The following SHPK variants were observed in gnomAD, a reference collection of about 807,000 sequenced individuals.
The protein encoded by SHPK is carbohydrate kinase-like protein.
Under a neutral mutation model 46.3 loss-of-function variants are expected in SHPK, and 51 were observed. The ratio of observed to expected loss-of-function variants is 1.10; its 90% confidence interval spans 0.88 to 1.39. SHPK has a LOEUF of 1.39. Ranked by LOEUF, SHPK falls within the 40% of genes most tolerant of loss-of-function variation. SHPK has a pLI of 0.00. For synonymous variants in SHPK, 290 were observed against 273.9 expected (o/e 1.06, Z -0.58); for missense variants, 668 against 641.3 (o/e 1.04, Z -0.45).
intron 3 of SHPK, 53 bp downstream of exon 3, chr17:3,623,995 A>G (rs2075417989): frequency 1.3e-6 from 2 of 1,530,558 alleles, no homozygotes; most frequent in African/African-American, 1.4e-5. Flanking sequence ...GCCCCGGCCT[A>G]TTCTCATTCT....
chr17:3,631,878 T>C (rs561112900), intron 1 of SHPK, among the ~76,000 whole-genome samples: 62 of 152,190 alleles, frequency 4.1e-4, no homozygotes, highest in South Asian at 1.5e-3. Flanking sequence ...AAATAAAATA[T>C]GCAATTAAAA....
Position 3,610,765 on chromosome 17 carries a change from T to C in SHPK, c.1232A>G (p.His411Arg), listed in dbSNP as rs1038157877. 1.7e-5 allele frequency: 27 copies of C among 1,613,960 alleles called. No homozygotes were observed. The highest frequency in any genetic ancestry group is 4.0e-5 in the African/African-American group (3 of 75,002). ...GAGCTGCTGAATCGGAAGCATGGAG[T>C]GCAGGTTCTGAACAATGCCTCGGCA... ...ALCRGIVQNL[H>R]SMLPIQQLQE... The change falls in exon 7 of 7, where the codon CAC (histidine) becomes CGC (arginine). Residue 411 changes from histidine to arginine, a missense_variant. Physicochemically the swap from His to Arg is conservative, Grantham distance 29 (BLOSUM62 0). Coordinates refer to ENST00000225519, the MANE Select transcript of SHPK (RefSeq NM_013276.4).
At chr17:3,621,443 C>T (rs755618824) in intron 4 of SHPK, 31 bp from the exon 5 acceptor site, 1 of 1,601,008 alleles carries the variant, frequency 6.2e-7, no homozygotes, top group East Asian at 2.3e-5. Flanking sequence ...CCCACATGGA[C>T]CCACAGTTAG....
intron 1 of SHPK, among the ~76,000 whole-genome samples, chr17:3,633,563 A>G (rs1456709196): frequency 6.6e-6 from 1 of 152,094 alleles, no homozygotes; most frequent in Non-Finnish European, 1.5e-5. Context: ...CACGATTCAT[A>G]TGTGGTGTGG....
At chr17:3,613,612 G>A (rs984577242) in intron 6 of SHPK, among the ~76,000 whole-genome samples, 10 of 151,882 alleles carry the variant, frequency 6.6e-5, no homozygotes, top group African/African-American at 2.2e-4. Flanking sequence ...CAGGTGATCC[G>A]CCCGCCTCAG....
chr17:3,625,858 G>A (rs146373904), intron 2 of SHPK, among the ~76,000 whole-genome samples: 1 of 152,184 alleles, frequency 6.6e-6, no homozygotes, highest in Non-Finnish European at 1.5e-5. Flanking sequence ...TTCGAGACCA[G>A]CCTGGACAAC....
In SHPK at chr17:3,619,475, C is replaced by T. The variant is rs964606026; in HGVS notation, c.823+1762G>A. 26 of 1,029,348 alleles carry T rather than the reference C, an allele frequency of 2.5e-5. No homozygotes were observed. In the Admixed American group the frequency reaches 4.5e-4, roughly 18 times the overall value. The allele number at this position is 1,029,348 out of a possible 1,614,324, so 63.8% of individuals were successfully genotyped here. ...AGAGGCCGGGCACGATGGCTCACAC[C>T]TGTAATCCCAGCACTTTGGGAGGCC... On this transcript the variant is annotated intron_variant, in intron 5 of 6. Transcript: ENST00000225519.
intron 1 of SHPK, among the ~76,000 whole-genome samples, chr17:3,635,146 T>C (rs1352972135): frequency 7.2e-6 from 1 of 139,836 alleles, no homozygotes; most frequent in Non-Finnish European, 1.6e-5. Context: ...TACTCCAGCC[T>C]GGGCAACAGA....
intron 4 of SHPK, among the ~76,000 whole-genome samples, chr17:3,621,842 G>A (rs944614942): frequency 4.0e-5 from 6 of 150,402 alleles, no homozygotes; most frequent in Non-Finnish European, 8.9e-5. Context: ...TAGTAGAGAC[G>A]GGGTTTCGCC....
At chr17:3,616,288 C>T (rs1287699545) in intron 5 of SHPK, among the ~76,000 whole-genome samples, 6 of 152,170 alleles carry the variant, frequency 3.9e-5, no homozygotes, top group African/African-American at 1.4e-4. Context: ...ATAAAAGGCA[C>T]TGCGACTCCT....
At position 3,636,062 on chromosome 17, in the gene SHPK, G is replaced by GC. The variant is rs773884221; in HGVS notation, c.157dup (p.Ala53GlyfsTer12). On this transcript the variant is annotated frameshift_variant, in exon 1 of 7. Coordinates refer to ENST00000225519, the MANE Select transcript of SHPK (RefSeq NM_013276.4). LOFTEE classifies it high-confidence loss of function. ...GGGGGTCCAACTCACCTGGGGCCCGGCCACCGCGCTCTCGACCGCCGCCTC... is the reference window on the plus strand; with the variant it reads ...GGGGGTCCAACTCACCTGGGGCCCGGCCCACCGCGCTCTCGACCGCCGCCTC... 1 of 1,566,440 alleles carries GC rather than the reference G, an allele frequency of 6.4e-7. No homozygotes were observed. Among genetic ancestry groups the GC allele is most frequent in the Non-Finnish European group, 8.6e-7 (1 of 1,158,404 alleles).
chr17:3,614,196 C>T (rs1305980829), intron 6 of SHPK, among the ~76,000 whole-genome samples: 5 of 152,194 alleles, frequency 3.3e-5, no homozygotes, highest in Non-Finnish European at 7.3e-5. Flanking sequence ...AAGTCACTCT[C>T]CTGGGTTCCA....
chr17:3,632,348 T>C (rs187606931), intron 1 of SHPK, among the ~76,000 whole-genome samples: 6 of 152,070 alleles, frequency 3.9e-5, no homozygotes, highest in Non-Finnish European at 5.9e-5. Context: ...ACTGGGAAGG[T>C]TGAAGCAGGA....
At chr17:3,627,065 A>G (rs2075442791) in intron 2 of SHPK, among the ~76,000 whole-genome samples, 1 of 152,172 alleles carries the variant, frequency 6.6e-6, no homozygotes, top group Non-Finnish European at 1.5e-5. Flanking sequence ...CCAGATGTTT[A>G]TCAGCCATTG....
intron 5 of SHPK, 119 bp downstream of exon 5, chr17:3,621,118 G>A (rs1156356572): frequency 1.2e-6 from 1 of 829,258 alleles, no homozygotes; most frequent in East Asian, 2.9e-5. Flanking sequence ...ACAGAATAAT[G>A]ATCTCCAGCA....
intron 2 of SHPK, among the ~76,000 whole-genome samples, chr17:3,629,466 C>T (rs1447113020): frequency 6.6e-6 from 1 of 152,166 alleles, no homozygotes; most frequent in Non-Finnish European, 1.5e-5. Flanking sequence ...CATGGTGGCT[C>T]ACACCTGTAA....
At chr17:3,633,434 T>G (rs1489785626) in intron 1 of SHPK, among the ~76,000 whole-genome samples, 2 of 151,318 alleles carry the variant, frequency 1.3e-5, no homozygotes, top group Non-Finnish European at 2.9e-5. Context: ...CTAAACATTC[T>G]ACAACATGCA....
At chr17:3,619,762 T>A in intron 5 of SHPK, 1 of 408,732 alleles carries the variant, frequency 2.4e-6, no homozygotes, top group South Asian at 1.9e-5. Context: ...GGAAGAAGAA[T>A]GATTTGTAGA....
chr17:3,631,211 A>G (rs776124484), intron 1 of SHPK, among the ~76,000 whole-genome samples: 12 of 152,072 alleles, frequency 7.9e-5, no homozygotes, highest in Non-Finnish European at 1.3e-4. Flanking sequence ...AAGCAGCCCC[A>G]GAGCTCAACA....
Sources: allele counts gnomAD v4.1 joint callset (sites outside exome capture counted in the v4.1 genomes callset), GRCh38; gene constraint gnomAD v4.1.1; transcripts MANE v1.5; gene names NCBI Gene and HGNC (gene_info 2026-07-23, HGNC 2026-07-21).